FAT3: variants seen among roughly 807,000 people sequenced by gnomAD.
The protein encoded by FAT3 is protocadherin Fat 3.
A neutral mutation model predicts 310.2 loss-of-function variants in FAT3; 95 were observed. That is an observed-to-expected ratio of 0.31 (90% CI 0.26 to 0.36). FAT3 has a LOEUF of 0.36. Among genes scored for constraint, FAT3 ranks in the 10% least tolerant of loss-of-function variants. The probability of loss-of-function intolerance (pLI) is 1.00; values close to 1 mark genes in which losing one functional copy is unlikely to be tolerated. For synonymous variants in FAT3, 2,314 were observed against 2,192.9 expected (o/e 1.06, Z -1.54); for missense variants, 5,408 against 5,715.6 (o/e 0.95, Z 1.74).
At chr11:92,323,243 G>A (rs1235108662) in intron 1 of FAT3, among the ~76,000 whole-genome samples, 1 of 151,836 alleles carries the variant, frequency 6.6e-6, no homozygotes, top group South Asian at 2.1e-4. Context: ...GTGTGTGTGT[G>A]TATGTGTGTG....
At chr11:92,309,679 C>G (rs1038587035) in intron 1 of FAT3, among the ~76,000 whole-genome samples, 2 of 152,084 alleles carry the variant, frequency 1.3e-5, no homozygotes, top group Middle Eastern at 3.2e-3. Context: ...GTATCTCAGA[C>G]AGTGAATGAA....
chr11:92,361,011 A>G (rs943993023), intron 2 of FAT3, among the ~76,000 whole-genome samples: 3 of 152,300 alleles, frequency 2.0e-5, no homozygotes, highest in Non-Finnish European at 2.9e-5. Context: ...GGTTATTGCT[A>G]TATAACAAAC....
chr11:92,799,003 A>G lies in FAT3; in HGVS notation c.5990A>G (p.Asn1997Ser). The change falls in exon 10 of 28, where the codon AAC becomes AGC. Residue 1997 changes from asparagine to serine, a missense_variant. Coordinates refer to ENST00000525166, the MANE Select transcript of FAT3 (RefSeq NM_001367949.2). ...ACCTCAATCTCAGAGAACAACACTA[A>G]CATAACCAAAGTTGCTATTGTCAAT... Reference protein sequence around the residue: ...YSTSISENNTNITKVAIVNAV... With the variant: ...YSTSISENNTSITKVAIVNAV... 1 of 1,613,928 alleles carries G rather than the reference A, an allele frequency of 6.2e-7. No individual in the cohort carries two copies. The highest frequency in any genetic ancestry group is 8.5e-7 in the Non-Finnish European group (1 of 1,179,856).
At chr11:92,548,154 A>G (rs1224258029) in intron 3 of FAT3, among the ~76,000 whole-genome samples, 2 of 152,220 alleles carry the variant, frequency 1.3e-5, no homozygotes, top group Non-Finnish European at 1.5e-5. Flanking sequence ...TTAGTCAGAT[A>G]TATCTGAACT....
chr11:92,838,686 A>G (rs1948465093), intron 17 of FAT3, among the ~76,000 whole-genome samples: 1 of 152,182 alleles, frequency 6.6e-6, no homozygotes, highest in Non-Finnish European at 1.5e-5. Flanking sequence ...AAGGAGTCCC[A>G]GGGCTTTGTG....
rs1423686065 is a variant in FAT3 at position 92,764,924 on chromosome 11, C to T, written c.4030C>T (p.Arg1344Cys). ...GCGCCCACAGAAATCCTCCACGGCC[C>T]GCCTCCACATTGAATGGATTAAGAA... is the stretch of plus-strand genomic sequence containing the variant. ...NGRPQKSSTARLHIEWIKKPP... is the reference protein window; with the variant it reads ...NGRPQKSSTACLHIEWIKKPP... The change falls in exon 6 of 28, where the codon CGC becomes TGC. Residue 1344 changes from arginine (R) to cysteine (C), a missense_variant. By Grantham distance (180) the Arg-to-Cys change is radical. This residue lies in a region of FAT3 where 4,588 missense variants were observed against 4,809.8 expected (regional missense o/e 0.95). Coordinates refer to ENST00000525166, the MANE Select transcript of FAT3 (RefSeq NM_001367949.2). The T allele has an allele frequency of 1.9e-6, 3 of 1,613,834 alleles. No homozygotes were observed. The highest frequency in any genetic ancestry group is 1.3e-5 in the African/African-American group (1 of 75,014).
At chr11:92,770,749 G>A (rs567519604) in intron 6 of FAT3, among the ~76,000 whole-genome samples, 132 of 152,290 alleles carry the variant, frequency 8.7e-4, no homozygotes, top group South Asian at 4.4e-3. Flanking sequence ...GTGTCTTTAC[G>A]GAGGGACAGA....
chr11:92,735,496 G>T (rs1945314932), intron 4 of FAT3, among the ~76,000 whole-genome samples: 1 of 152,002 alleles, frequency 6.6e-6, no homozygotes, highest in Non-Finnish European at 1.5e-5. Flanking sequence ...AGCTGTAAAT[G>T]TGTTAAGCTG....
intron 3 of FAT3, among the ~76,000 whole-genome samples, chr11:92,669,212 C>G (rs1943052506): frequency 6.6e-6 from 1 of 152,104 alleles, no homozygotes; most frequent in Non-Finnish European, 1.5e-5. Flanking sequence ...TTCTTTTTAC[C>G]TGGAGAATTA....
intron 3 of FAT3, among the ~76,000 whole-genome samples, chr11:92,546,943 A>G (rs548648946): frequency 1.3e-5 from 2 of 152,332 alleles, no homozygotes; most frequent in Admixed American, 1.3e-4. Context: ...TGTTCACAAA[A>G]CGAATTCAAT....
At chr11:92,634,019 T>A (rs1012918867) in intron 3 of FAT3, among the ~76,000 whole-genome samples, 2 of 152,202 alleles carry the variant, frequency 1.3e-5, no homozygotes, top group Non-Finnish European at 2.9e-5. Flanking sequence ...TGCACATAAC[T>A]TTTCAGTCCT....
rs1352880210 is a variant in FAT3, at chr11:92,840,659, G to A, written c.10466G>A (p.Gly3489Glu). The change falls in exon 18 of 28, where the codon GGA becomes GAA. Residue 3489 changes from glycine (G) to glutamate (E), a missense_variant. Gly to Glu is a moderately conservative substitution (Grantham distance 98). Transcript: ENST00000525166. ...CCCTTTTCATTCTCTATTTTGTCGG[G>A]AAATGAAGAGGAGGAGTTTGTGTTG... ...GPPFSFSILS[G>E]NEEEEFVLDP... 6.2e-7 allele frequency: 1 copy of A among 1,613,050 alleles called. No individual in the cohort carries two copies. The highest frequency in any genetic ancestry group is 1.3e-5 in the African/African-American group (1 of 74,880).
In FAT3 at chr11:92,799,500, G is replaced by A. The variant is rs1362897945; in HGVS notation, c.6487G>A (p.Gly2163Ser). 6 of 1,613,654 alleles carry A rather than the reference G, an allele frequency of 3.7e-6. No homozygotes were observed. The African/African-American group carries it at 5.3e-5, about 14-fold the overall frequency. The change falls in exon 10 of 28, where the codon GGC (glycine) becomes AGC (serine). Residue 2163 changes from glycine to serine, a missense_variant. Gly to Ser is a moderately conservative substitution (Grantham distance 56). Transcript: ENST00000525166. ...TGGAGTCACCATCCTAGCCAAGGAT[G>A]GCGGAAAACCTTCTTTGTCTACATC... ...EYGVTILAKD[G>S]GKPSLSTSVE...
At chr11:92,434,915 A>T (rs1950890789) in intron 2 of FAT3, among the ~76,000 whole-genome samples, 1 of 152,172 alleles carries the variant, frequency 6.6e-6, no homozygotes, top group Admixed American at 6.5e-5. Context: ...CTGAATGTGT[A>T]TCAACTCCAA....
At chr11:92,610,648 G>C (rs1009776400) in intron 3 of FAT3, among the ~76,000 whole-genome samples, 8 of 152,146 alleles carry the variant, frequency 5.3e-5, no homozygotes, top group Non-Finnish European at 1.0e-4. Context: ...TCTCAGATCA[G>C]CTTGGGTTCC....
At chr11:92,808,764 A>C (rs1565615112) in intron 12 of FAT3, among the ~76,000 whole-genome samples, 1 of 152,004 alleles carries the variant, frequency 6.6e-6, no homozygotes, top group Non-Finnish European at 1.5e-5. Context: ...TCTCCACTAA[A>C]AATACAAAAA....
chr11:92,495,523 G>A (rs1952727617), intron 2 of FAT3, among the ~76,000 whole-genome samples: 1 of 152,014 alleles, frequency 6.6e-6, no homozygotes, highest in African/African-American at 2.4e-5. Context: ...CTAGTTTGCT[G>A]GTGTGGAGGA....
At chr11:92,414,288 C>T (rs1388261566) in intron 2 of FAT3, among the ~76,000 whole-genome samples, 1 of 152,166 alleles carries the variant, frequency 6.6e-6, no homozygotes, top group African/African-American at 2.4e-5. Context: ...GAACTAGAAC[C>T]TTTCATGAAA....
intron 6 of FAT3, among the ~76,000 whole-genome samples, chr11:92,768,827 A>G (rs1946387987): frequency 6.6e-6 from 1 of 152,170 alleles, no homozygotes; most frequent in South Asian, 2.1e-4. Context: ...GACTCTTCCA[A>G]GGGAGTGAGA....
Sources: gnomAD v4.1 joint callset for allele counts (sites outside exome capture counted in the v4.1 genomes callset) on GRCh38, gnomAD v4.1.1 for gene constraint, gnomAD v4.1.1 regional missense constraint, MANE v1.5 for transcripts, NCBI Gene and HGNC (gene_info 2026-07-23, HGNC 2026-07-21) for gene names.